Variants in DOK5 observed in about 807,000 individuals in gnomAD.
DOK5 encodes downstream of tyrosine kinase 5.
A neutral mutation model predicts 43.3 loss-of-function variants in DOK5; 27 were observed. The observed-to-expected ratio is 0.62, with a 90% CI of 0.46 to 0.86. The LOEUF (loss-of-function observed/expected upper bound fraction) is 0.86. DOK5 is among the 40% of genes least tolerant of loss of function. The pLI is 0.00. For missense variants in DOK5, 373 were observed against 392.9 expected (o/e 0.95, Z 0.43); for synonymous variants, 146 against 140.1 (o/e 1.04, Z -0.30).
intron 1 of DOK5, among the ~76,000 whole-genome samples, chr20:54,483,441 T>C (rs1981806663): frequency 6.6e-6 from 1 of 152,222 alleles, no homozygotes; most frequent in African/African-American, 2.4e-5. Context: ...ATCACCATCC[T>C]CAAGGAGTTG....
At chr20:54,555,372 A>T (rs1275192891) in intron 2 of DOK5, 1 of 174,292 alleles carries the variant, frequency 5.7e-6, no homozygotes, top group East Asian at 1.4e-4. Flanking sequence ...CCTGATGCAG[A>T]AAGACACTCA....
rs192744570 is a variant in DOK5 at position 54,542,657 on chromosome 20, G to A, written c.67-12276G>A. Among the ~76,000 whole-genome samples, 239 of 152,152 alleles carry A rather than the reference G, an allele frequency of 1.6e-3. 1 individual carries two copies. Among genetic ancestry groups the A allele is most frequent in the African/African-American group, 3.6e-3 (151 of 41,532 alleles). On this transcript the variant is annotated intron_variant, in intron 1 of 7. Transcript: ENST00000262593. Reference sequence around the variant, plus strand: ...AATAATATATTCATTTTTATTATACGAAAAACACATACTACAGGACATATA... The same window carrying A: ...AATAATATATTCATTTTTATTATACAAAAAACACATACTACAGGACATATA...
chr20:54,637,872 C>T (rs1293777569), intron 6 of DOK5, among the ~76,000 whole-genome samples: 1 of 152,144 alleles, frequency 6.6e-6, no homozygotes, highest in Non-Finnish European at 1.5e-5. Context: ...CCTGTAATCC[C>T]AGCACTTTGG....
intron 1 of DOK5, among the ~76,000 whole-genome samples, chr20:54,553,053 A>T (rs1396551351): frequency 6.6e-6 from 1 of 152,252 alleles, no homozygotes; most frequent in Non-Finnish European, 1.5e-5. Context: ...AAATTTATTT[A>T]TAGGTCAAAT....
At chr20:54,485,239 CG>C (rs963237398) in intron 1 of DOK5, among the ~76,000 whole-genome samples, 3 of 151,548 alleles carry the variant, frequency 2.0e-5, no homozygotes, top group African/African-American at 7.3e-5. Context: ...CACTTGAACC[CG>C]GATGGCGGAG....
At chr20:54,524,497 T>A (rs1983516112) in intron 1 of DOK5, among the ~76,000 whole-genome samples, 1 of 152,226 alleles carries the variant, frequency 6.6e-6, no homozygotes, top group Non-Finnish European at 1.5e-5. Context: ...TAGCTGTGAC[T>A]AACACTGAAA....
At chr20:54,537,335 A>G (rs532645303) in intron 1 of DOK5, among the ~76,000 whole-genome samples, 9 of 152,364 alleles carry the variant, frequency 5.9e-5, no homozygotes, top group Non-Finnish European at 1.2e-4. Context: ...AATAAAAAGT[A>G]CTTATTATAC....
chr20:54,485,349 G>A (rs1166381369), intron 1 of DOK5, among the ~76,000 whole-genome samples: 1 of 130,782 alleles, frequency 7.6e-6, no homozygotes, highest in Admixed American at 7.7e-5. Flanking sequence ...GTAAGACTCC[G>A]TCTCAAAAAA....
chr20:54,527,214 C>A (rs780438971), intron 1 of DOK5, among the ~76,000 whole-genome samples: 2 of 152,126 alleles, frequency 1.3e-5, no homozygotes, highest in Non-Finnish European at 2.9e-5. Context: ...ATTTCAGGAT[C>A]TTTCGTTCAG....
At chr20:54,546,935 T>C (rs1181358272) in intron 1 of DOK5, among the ~76,000 whole-genome samples, 1 of 152,138 alleles carries the variant, frequency 6.6e-6, no homozygotes, top group Non-Finnish European at 1.5e-5. Flanking sequence ...TAGAGTTTTA[T>C]TGGAGTAGAA....
At chr20:54,486,505 T>C (rs1008834851) in intron 1 of DOK5, among the ~76,000 whole-genome samples, 10 of 152,158 alleles carry the variant, frequency 6.6e-5, no homozygotes, top group Non-Finnish European at 1.5e-5. Context: ...ATATAAATTT[T>C]AAAATAATGT....
intron 1 of DOK5, among the ~76,000 whole-genome samples, chr20:54,545,526 T>C (rs1182955975): frequency 6.6e-6 from 1 of 152,144 alleles, no homozygotes; most frequent in African/African-American, 2.4e-5. Context: ...ACCACCACCA[T>C]GGCAGAGGAA....
Position 54,475,752 on chromosome 20 carries a change from G to A in DOK5, c.-195G>A, listed in dbSNP as rs1981392653. The A allele has an allele frequency of 4.4e-6, 3 of 684,148 alleles. No homozygotes were observed. Among genetic ancestry groups the A allele is most frequent in the Non-Finnish European group, 7.2e-6 (3 of 419,446 alleles). The allele number at this position is 684,148 out of a possible 1,614,324, so 42.4% of individuals were successfully genotyped here. On this transcript the variant is annotated 5_prime_UTR_variant, in exon 1 of 8. Transcript: ENST00000262593. The surrounding 1 kb of genome is among the most constrained non-coding windows in gnomAD (Gnocchi z 4.2). ...CGCTCCCCGAAAGTGGCTGCAAGCCGGCCGCCCACTGTCAGGGTTGGGGGG... is the reference window on the plus strand; with the variant it reads ...CGCTCCCCGAAAGTGGCTGCAAGCCAGCCGCCCACTGTCAGGGTTGGGGGG...
At chr20:54,623,584 A>T (rs1222199592) in intron 6 of DOK5, among the ~76,000 whole-genome samples, 2 of 151,716 alleles carry the variant, frequency 1.3e-5, no homozygotes, top group Non-Finnish European at 1.5e-5. Flanking sequence ...TTTTATTTTT[A>T]TTTTTATTTT....
At chr20:54,565,603 A>T (rs1985066196) in intron 2 of DOK5, among the ~76,000 whole-genome samples, 2 of 152,218 alleles carry the variant, frequency 1.3e-5, no homozygotes, top group African/African-American at 4.8e-5. Flanking sequence ...TAGTCTCTCT[A>T]ACATTGTCTC....
intron 1 of DOK5, among the ~76,000 whole-genome samples, chr20:54,531,029 T>C (rs1428698235): frequency 6.6e-6 from 1 of 152,152 alleles, no homozygotes; most frequent in African/African-American, 2.4e-5. Context: ...TGAGGCAATA[T>C]TTCTGTCTGG....
At chr20:54,501,059 T>C (rs1304268506) in intron 1 of DOK5, among the ~76,000 whole-genome samples, 1 of 152,182 alleles carries the variant, frequency 6.6e-6, no homozygotes, top group Non-Finnish European at 1.5e-5. Context: ...TTCCTTGGAA[T>C]GGATGTGATA....
chr20:54,532,606 G>A (rs1413528815), intron 1 of DOK5, among the ~76,000 whole-genome samples: 1 of 152,192 alleles, frequency 6.6e-6, no homozygotes, highest in Non-Finnish European at 1.5e-5. Context: ...CTTGTAGGTT[G>A]CCTGCAGACT....
At chr20:54,560,296 C>G (rs939180854) in intron 2 of DOK5, among the ~76,000 whole-genome samples, 2 of 152,142 alleles carry the variant, frequency 1.3e-5, no homozygotes, top group Non-Finnish European at 2.9e-5. Flanking sequence ...GGAGTCATCC[C>G]CTCCTCATGT....
Sources: allele counts gnomAD v4.1 joint callset (sites outside exome capture counted in the v4.1 genomes callset), GRCh38; gene constraint gnomAD v4.1.1; non-coding constraint Gnocchi (gnomAD v3.1); transcripts MANE v1.5; gene names NCBI Gene and HGNC (gene_info 2026-07-23, HGNC 2026-07-21).